CCDC91: variants seen among roughly 807,000 people sequenced by gnomAD.
CCDC91 encodes coiled-coil domain containing 91.
A neutral mutation model predicts 63.2 loss-of-function variants in CCDC91; 48 were observed. The observed-to-expected ratio is 0.76, with a 90% CI of 0.60 to 0.97. CCDC91 has a LOEUF of 0.97. Among genes scored for constraint, CCDC91 ranks in the 50% least tolerant of loss-of-function variants. The probability of loss-of-function intolerance (pLI) is 0.00; values close to 1 mark genes in which losing one functional copy is unlikely to be tolerated. For missense variants in CCDC91, 500 were observed against 494.6 expected, an observed-to-expected ratio of 1.01 and a Z score of -0.10; for synonymous variants, 167 against 165.8, an observed-to-expected ratio of 1.01 and a Z score of -0.06.
At chr12:28,236,037 T>C (rs959165015) in intron 1 of CCDC91, among the ~76,000 whole-genome samples, 2 of 152,162 alleles carry the variant, frequency 1.3e-5, no homozygotes, top group African/African-American at 4.8e-5. Flanking sequence ...GACCTTGCTA[T>C]GCTTTGCTGT....
chr12:28,473,739 T>C (rs183761330), intron 11 of CCDC91, among the ~76,000 whole-genome samples: 13 of 152,264 alleles, frequency 8.5e-5, no homozygotes. Flanking sequence ...AATCATTTAC[T>C]TTGTTTTTTA....
intron 1 of CCDC91, among the ~76,000 whole-genome samples, chr12:28,237,235 T>TACACACACACACACACACACACACACAC (rs58134900): frequency 6.3e-5 from 9 of 143,024 alleles, no homozygotes; most frequent in South Asian, 2.3e-4. Flanking sequence ...GTATTACACA[T>TACACACACACACACACACACACACACAC]ACACACACAC....
intron 2 of CCDC91, among the ~76,000 whole-genome samples, chr12:28,258,298 T>C (rs948123707): frequency 7.5e-6 from 1 of 134,104 alleles, no homozygotes; most frequent in Non-Finnish European, 1.7e-5. Flanking sequence ...TTGAGGAAAA[T>C]GTATGTTTCA....
intron 12 of CCDC91, among the ~76,000 whole-genome samples, chr12:28,523,992 C>T (rs1477764016): frequency 2.0e-5 from 3 of 152,076 alleles, no homozygotes; most frequent in Admixed American, 1.3e-4. Context: ...CTCTAAGACA[C>T]ATGATTGTCA....
At chr12:28,300,797 T>C (rs1247752655) in intron 3 of CCDC91, among the ~76,000 whole-genome samples, 1 of 151,616 alleles carries the variant, frequency 6.6e-6, no homozygotes, top group African/African-American at 2.4e-5. Context: ...CAGGAGTGTT[T>C]TAAAGTTTTC....
At chr12:28,213,415 G>C (rs1187649397) in intron 1 of CCDC91, among the ~76,000 whole-genome samples, 2 of 152,234 alleles carry the variant, frequency 1.3e-5, no homozygotes, top group African/African-American at 4.8e-5. Context: ...CAGAGAACAT[G>C]TGTGATCATG....
chr12:28,300,314 A>G (rs1431714285), intron 3 of CCDC91, among the ~76,000 whole-genome samples: 3 of 151,502 alleles, frequency 2.0e-5, no homozygotes, highest in Non-Finnish European at 3.0e-5. Flanking sequence ...TTCTATCACT[A>G]TTTATTAACA....
intron 1 of CCDC91, among the ~76,000 whole-genome samples, chr12:28,191,718 C>G (rs1410857622): frequency 6.6e-6 from 1 of 152,188 alleles, no homozygotes; most frequent in African/African-American, 2.4e-5. Context: ...GAGTTCTACA[C>G]TTAATGATCA....
At chr12:28,415,348 C>T (rs1391228172) in intron 8 of CCDC91, among the ~76,000 whole-genome samples, 7 of 152,124 alleles carry the variant, frequency 4.6e-5, no homozygotes, top group Non-Finnish European at 7.4e-5. Flanking sequence ...CTCAGCCTCC[C>T]GAGTAGCTGG....
chr12:28,386,616 C>T (rs1342945966), intron 7 of CCDC91, among the ~76,000 whole-genome samples: 1 of 152,162 alleles, frequency 6.6e-6, no homozygotes, highest in African/African-American at 2.4e-5. Flanking sequence ...ATCCGCCCGC[C>T]TCGGCCTCCC....
At chr12:28,224,553 A>G (rs998016602) in intron 1 of CCDC91, among the ~76,000 whole-genome samples, 1 of 152,012 alleles carries the variant, frequency 6.6e-6, no homozygotes, top group African/African-American at 2.4e-5. Flanking sequence ...ATTTAGGCTT[A>G]GTGGTTAGAA....
chr12:28,284,304 T>C (rs1948780590), intron 3 of CCDC91, among the ~76,000 whole-genome samples: 2 of 152,194 alleles, frequency 1.3e-5, no homozygotes, highest in South Asian at 4.1e-4. Flanking sequence ...TCTAGCACCC[T>C]TTGCTTTCAC....
intron 12 of CCDC91, among the ~76,000 whole-genome samples, chr12:28,541,480 G>C (rs1942625654): frequency 6.6e-6 from 1 of 152,010 alleles, no homozygotes; most frequent in South Asian, 2.1e-4. Context: ...AATTGTTAAA[G>C]GTCAAAACAA....
At chr12:28,458,455 C>CATTT (rs1950154535) in intron 11 of CCDC91, among the ~76,000 whole-genome samples, 1 of 45,792 alleles carries the variant, frequency 2.2e-5, no homozygotes, top group South Asian at 1.4e-3. Flanking sequence ...ATTTGCACAC[C>CATTT]TTTTTTTTTT....
chr12:28,235,343 G>A (rs1255159092), intron 1 of CCDC91, among the ~76,000 whole-genome samples: 4 of 152,020 alleles, frequency 2.6e-5, no homozygotes, highest in African/African-American at 9.7e-5. Flanking sequence ...ATAATTAATG[G>A]CATTCTTATT....
chr12:28,247,397 G>A (rs971132535), intron 1 of CCDC91, among the ~76,000 whole-genome samples: 5 of 151,388 alleles, frequency 3.3e-5, no homozygotes, highest in South Asian at 2.1e-4. Flanking sequence ...GGAGAATGGC[G>A]TGAACCCGGG....
intron 12 of CCDC91, among the ~76,000 whole-genome samples, chr12:28,500,499 A>G (rs980837589): frequency 2.0e-5 from 3 of 151,762 alleles, no homozygotes; most frequent in African/African-American, 7.3e-5. Flanking sequence ...CTTACTTTAG[A>G]TACATCATCT....
chr12:28,252,825 T>C (rs904327552), intron 1 of CCDC91, among the ~76,000 whole-genome samples: 9 of 152,190 alleles, frequency 5.9e-5, no homozygotes, highest in African/African-American at 2.2e-4. Flanking sequence ...ACATGTAAGA[T>C]TGAGGCACTA....
intron 6 of CCDC91, among the ~76,000 whole-genome samples, chr12:28,319,806 TATA>T (rs1312914948): frequency 6.6e-6 from 1 of 151,804 alleles, no homozygotes; most frequent in Non-Finnish European, 1.5e-5. Flanking sequence ...AATAATACAA[TATA>T]ATAATAAGAA....
Sources: gnomAD v4.1 joint callset for allele counts (sites outside exome capture counted in the v4.1 genomes callset) on GRCh38, gnomAD v4.1.1 for gene constraint, MANE v1.5 for transcripts, NCBI Gene and HGNC (gene_info 2026-07-23, HGNC 2026-07-21) for gene names.